SEL1L: variants seen among roughly 807,000 people sequenced by gnomAD.
The protein encoded by SEL1L is SEL1L adaptor subunit of SYVN1 ubiquitin ligase, also known as protein sel-1 homolog 1.
Under a neutral mutation model 109.8 loss-of-function variants are expected in SEL1L, and 52 were observed. The ratio of observed to expected loss-of-function variants is 0.47; its 90% CI spans 0.38 to 0.60. The LOEUF is 0.60. Ranked by LOEUF, SEL1L falls within the 20% of genes least tolerant of loss-of-function variation. The pLI, the probability that SEL1L is intolerant of heterozygous loss-of-function variation, is 0.00. For synonymous variants in SEL1L, 373 were observed against 339.6 expected, an observed-to-expected ratio of 1.10 and a Z score of -1.08; for missense variants, 749 against 962.2, an observed-to-expected ratio of 0.78 and a Z score of 2.93.
intron 3 of SEL1L, among the ~76,000 whole-genome samples, chr14:81,521,475 T>C (rs1456012069): frequency 2.0e-5 from 3 of 152,172 alleles, no homozygotes; most frequent in Non-Finnish European, 2.9e-5. Flanking sequence ...TGAACAAAAA[T>C]ATGATCATGT....
intron 13 of SEL1L, 131 bp from the exon 14 acceptor site, chr14:81,489,445 A>G: frequency 4.1e-6 from 3 of 727,524 alleles, no homozygotes; most frequent in Non-Finnish European, 6.9e-6. Flanking sequence ...AATTCAAAAC[A>G]AAACTTTCTT....
chr14:81,524,529 T>C (rs1164645891), intron 3 of SEL1L, among the ~76,000 whole-genome samples: 1 of 152,192 alleles, frequency 6.6e-6, no homozygotes, highest in Admixed American at 6.5e-5. Flanking sequence ...GGAAACTGTA[T>C]AGCACAAAGG....
rs1247331186 is a variant in SEL1L at position 81,517,421 on chromosome 14, G to A, written c.340+9312C>T. On this transcript the variant is annotated intron_variant, in intron 3 of 20. Coordinates refer to ENST00000336735, the MANE Select transcript of SEL1L (RefSeq NM_005065.6). ...TGCTCTCTTTAAAAAGTTAAATCTG[G>A]TCTGGAACAAAATTTTAGATAAACC... Among the ~76,000 whole-genome samples, 5 of 152,110 alleles carry A rather than the reference G, an allele frequency of 3.3e-5. No homozygotes were observed. In the South Asian group the frequency reaches 6.2e-4, roughly 19 times the overall value.
chr14:81,502,946 T>C (rs1884074010), intron 5 of SEL1L, 63 bp from the exon 6 acceptor site: 1 of 1,359,664 alleles, frequency 7.4e-7, no homozygotes, highest in Admixed American at 2.1e-5. Flanking sequence ...TAAGTTTTTT[T>C]GATCTACTAA....
rs1225169459 is a variant in SEL1L at position 81,497,367 on chromosome 14, T to C, written c.1128+525A>G. Among the ~76,000 whole-genome samples, 2 of 152,250 alleles carry C rather than the reference T, an allele frequency of 1.3e-5. 1 individual carries two copies. Among genetic ancestry groups the C allele is most frequent in the East Asian group, 3.8e-4 (2 of 5,202 alleles). ...ATATCAAAAGAAGCCACGAAACCTGTGTGTGCACACATGGTACTTTGACGG... is the reference window on the plus strand; with the variant it reads ...ATATCAAAAGAAGCCACGAAACCTGCGTGTGCACACATGGTACTTTGACGG... On this transcript the variant is annotated intron_variant, in intron 10 of 20. Transcript: ENST00000336735.
intron 16 of SEL1L, among the ~76,000 whole-genome samples, chr14:81,487,159 C>T (rs1903546758): frequency 6.6e-6 from 1 of 151,930 alleles, no homozygotes; most frequent in Admixed American, 6.6e-5. Flanking sequence ...GCTAGAGATA[C>T]TGCAGACACC....
chr14:81,495,176 C>T (rs1883692591), intron 10 of SEL1L, 39 bp from the exon 11 acceptor site: 1 of 1,565,022 alleles, frequency 6.4e-7, no homozygotes, highest in Non-Finnish European at 8.8e-7. Context: ...TAAGTGGTAC[C>T]ATCTGGCACA....
Position 81,502,878 on chromosome 14 carries a change from T to C in SEL1L, c.620A>G (p.Tyr207Cys). 1 of 1,602,078 alleles carries C rather than the reference T, an allele frequency of 6.2e-7. No homozygotes were observed. The highest frequency in any genetic ancestry group is 1.1e-5 in the South Asian group (1 of 88,380). Residue 207 changes from tyrosine to cysteine, a missense_variant, in exon 6 of 21, where the codon TAT (tyrosine) becomes TGT (cysteine). Transcript: ENST00000336735. ...SNKKSQKREA[Y>C]RYLQKAASMN... ...GCTTGCTGCCTTTTGGAGATACCGA[T>C]ATGCTCTTCAAATGTAAACAATTAA...
chr14:81,527,024 G>T, intron 2 of SEL1L, 60 bp from the exon 3 acceptor site: 2 of 1,260,366 alleles, frequency 1.6e-6, no homozygotes, highest in South Asian at 1.2e-5. Context: ...AACCCTATTT[G>T]ACCGTTATTT....
chr14:81,507,727 G>C (rs1262439451), intron 3 of SEL1L, among the ~76,000 whole-genome samples: 5 of 151,578 alleles, frequency 3.3e-5, no homozygotes. Flanking sequence ...GCCTAAGAAT[G>C]CTGCATGAGA....
chr14:81,488,519 G>A (rs574864334), intron 14 of SEL1L, among the ~76,000 whole-genome samples: 27 of 152,114 alleles, frequency 1.8e-4, no homozygotes, highest in African/African-American at 6.0e-4. Flanking sequence ...CTAGCTCTTA[G>A]TTTCAGCCTC....
At chr14:81,485,451 G>GT (rs370288974) in intron 18 of SEL1L, among the ~76,000 whole-genome samples, 23,787 of 138,688 alleles carry the variant, frequency 0.17, 2,293 homozygotes, top group Middle Eastern at 0.23. Flanking sequence ...AATTTTTTTT[G>GT]TTTTTTTTTT....
intron 10 of SEL1L, among the ~76,000 whole-genome samples, chr14:81,496,353 G>A (rs561260633): frequency 1.3e-5 from 2 of 151,152 alleles, no homozygotes; most frequent in East Asian, 3.9e-4. Flanking sequence ...AAAAAAAACT[G>A]AATTTGTCCC....
intron 3 of SEL1L, among the ~76,000 whole-genome samples, chr14:81,523,628 G>A (rs1191190902): frequency 6.6e-6 from 1 of 152,098 alleles, no homozygotes; most frequent in Non-Finnish European, 1.5e-5. Context: ...TAGCCAGTCT[G>A]TCAGAAGCAC....
At chr14:81,533,165 G>A (rs1885400334) in intron 1 of SEL1L, among the ~76,000 whole-genome samples, 1 of 152,176 alleles carries the variant, frequency 6.6e-6, no homozygotes, top group African/African-American at 2.4e-5. Context: ...GCTACGATGA[G>A]ATCAAAAGTC....
At position 81,472,425 on chromosome 14, in the gene SEL1L, G is replaced by A. The variant is rs371509368; in HGVS notation, c.*4547C>T. ...GTTACCTCTTTGAGTTGCCTGCTGG[G>A]AAGCTGGGGGCCAAATTTGTAGCCC... On this transcript the variant is annotated 3_prime_UTR_variant, in exon 21 of 21. Transcript: ENST00000336735. The A allele has an allele frequency of 7.4e-4, 167 of 224,406 alleles. No individual in the cohort carries two copies. Among genetic ancestry groups the A allele is most frequent in the Non-Finnish European group, 8.6e-4 (95 of 110,568 alleles). The allele number at this position is 224,406 out of a possible 1,614,324, so 13.9% of individuals were successfully genotyped here.
At chr14:81,495,653 G>A (rs1038828211) in intron 10 of SEL1L, among the ~76,000 whole-genome samples, 4 of 151,870 alleles carry the variant, frequency 2.6e-5, no homozygotes, top group Non-Finnish European at 5.9e-5. Flanking sequence ...AACAAAAAAC[G>A]GGCTAGGCAC....
At chr14:81,499,781 A>T in intron 6 of SEL1L, 119 bp from the exon 7 acceptor site, 1 of 667,894 alleles carries the variant, frequency 1.5e-6, no homozygotes, top group South Asian at 2.7e-5. Context: ...ATGCTAAAAG[A>T]TTTGAATTCA....
intron 3 of SEL1L, among the ~76,000 whole-genome samples, chr14:81,515,775 T>A (rs1183440878): frequency 6.6e-6 from 1 of 152,050 alleles, no homozygotes; most frequent in African/African-American, 2.4e-5. Flanking sequence ...GCCGCAGATA[T>A]CAGAAGAAAG....
Sources: allele counts gnomAD v4.1 joint callset (sites outside exome capture counted in the v4.1 genomes callset), GRCh38; gene constraint gnomAD v4.1.1; transcripts MANE v1.5; gene names NCBI Gene and HGNC (gene_info 2026-07-23, HGNC 2026-07-21).